LRRIQ3: variants seen among roughly 807,000 people sequenced by gnomAD.
The protein encoded by LRRIQ3 is leucine-rich repeat and IQ domain-containing protein 3.
Under a neutral mutation model 59.3 loss-of-function variants are expected in LRRIQ3, and 75 were observed. That is an observed-to-expected ratio of 1.26 (90% CI 1.05 to 1.53). The LOEUF is 1.53. LRRIQ3 is among the 40% of genes most tolerant of loss of function. The pLI is 0.00. For synonymous variants in LRRIQ3, 250 were observed against 231.3 expected, an observed-to-expected ratio of 1.08 and a Z score of -0.73; for missense variants, 831 against 710.0, an observed-to-expected ratio of 1.17 and a Z score of -1.94.
intron 6 of LRRIQ3, among the ~76,000 whole-genome samples, chr1:74,073,700 G>A (rs1278982976): frequency 6.6e-6 from 1 of 151,894 alleles, no homozygotes; most frequent in Non-Finnish European, 1.5e-5. Flanking sequence ...GGATCTAACA[G>A]AGTTTGACCA....
At chr1:74,029,782 C>G (rs1310010071) in intron 7 of LRRIQ3, among the ~76,000 whole-genome samples, 2 of 151,994 alleles carry the variant, frequency 1.3e-5, no homozygotes, top group African/African-American at 4.8e-5. Context: ...GGTACCAGCT[C>G]CTTCTTGTAC....
intron 4 of LRRIQ3, among the ~76,000 whole-genome samples, chr1:74,110,339 T>C (rs1169242564): frequency 6.6e-6 from 1 of 151,890 alleles, no homozygotes. Flanking sequence ...ATTCTAAATA[T>C]TAGTGAAAAG....
intron 4 of LRRIQ3, among the ~76,000 whole-genome samples, chr1:74,129,178 T>C (rs1646976743): frequency 6.6e-6 from 1 of 152,012 alleles, no homozygotes; most frequent in Admixed American, 6.6e-5. Flanking sequence ...GCCAGGCTTG[T>C]TTTCTTTTCT....
chr1:74,063,016 A>G (rs572800718), intron 6 of LRRIQ3, among the ~76,000 whole-genome samples: 1 of 152,120 alleles, frequency 6.6e-6, no homozygotes, highest in African/African-American at 2.4e-5. Context: ...AAAACAATTA[A>G]ATAAAATAGA....
intron 4 of LRRIQ3, among the ~76,000 whole-genome samples, chr1:74,153,729 T>C (rs970364955): frequency 2.6e-5 from 4 of 152,118 alleles, no homozygotes; most frequent in Non-Finnish European, 5.9e-5. Context: ...CTTGTGATAA[T>C]AAAAGTATGT....
chr1:74,095,449 T>C (rs1217071090), intron 5 of LRRIQ3, among the ~76,000 whole-genome samples: 1 of 152,116 alleles, frequency 6.6e-6, no homozygotes, highest in Admixed American at 6.6e-5. Context: ...TACATATCCA[T>C]AACATGTATA....
intron 1 of LRRIQ3, among the ~76,000 whole-genome samples, chr1:74,191,843 T>C (rs1650786035): frequency 6.6e-6 from 1 of 152,068 alleles, no homozygotes; most frequent in South Asian, 2.1e-4. Context: ...AGATCTAAAA[T>C]GAATCATATA....
At chr1:74,051,943 A>C (rs1206107372) in intron 6 of LRRIQ3, among the ~76,000 whole-genome samples, 1 of 152,146 alleles carries the variant, frequency 6.6e-6, no homozygotes, top group Non-Finnish European at 1.5e-5. Context: ...AGTGAAAAAA[A>C]TAGACTGGGC....
intron 3 of LRRIQ3, among the ~76,000 whole-genome samples, chr1:74,159,999 A>G (rs528288438): frequency 1.3e-5 from 2 of 151,848 alleles, no homozygotes; most frequent in African/African-American, 4.8e-5. Flanking sequence ...ATTATAATAG[A>G]CTCCTAATTC....
intron 4 of LRRIQ3, among the ~76,000 whole-genome samples, chr1:74,131,460 A>C (rs1037660525): frequency 6.6e-6 from 1 of 152,138 alleles, no homozygotes; most frequent in Non-Finnish European, 1.5e-5. Flanking sequence ...GATGAACATC[A>C]ATGCAAAATT....
intron 4 of LRRIQ3, among the ~76,000 whole-genome samples, chr1:74,138,175 A>AC (rs200653300): frequency 6.7e-6 from 1 of 149,556 alleles, no homozygotes; most frequent in Non-Finnish European, 1.5e-5. Context: ...AAAAAAAAAA[A>AC]CAAAAAAACA....
At chr1:74,135,535 C>A (rs1647107248) in intron 4 of LRRIQ3, among the ~76,000 whole-genome samples, 1 of 151,692 alleles carries the variant, frequency 6.6e-6, no homozygotes, top group Non-Finnish European at 1.5e-5. Context: ...TAATTGAAAT[C>A]AACAAAGTAT....
Position 74,063,106 on chromosome 1 carries a change from A to G in LRRIQ3, c.997+11555T>C, listed in dbSNP as rs1654771653. Among the ~76,000 whole-genome samples, 3 of 151,916 alleles carry G rather than the reference A, an allele frequency of 2.0e-5. No homozygotes were observed. In the South Asian group the frequency reaches 6.2e-4, roughly 31 times the overall value. On this transcript the variant is annotated intron_variant, in intron 6 of 7. Transcript: ENST00000354431. ...AATCAAAACAAAACAAAACAAAACA[A>G]AAAACCCCAAAACCAAACAACAACA...
intron 1 of LRRIQ3, among the ~76,000 whole-genome samples, chr1:74,194,006 A>G (rs1650935719): frequency 6.6e-6 from 1 of 152,168 alleles, no homozygotes; most frequent in Non-Finnish European, 1.5e-5. Context: ...CAAAATAAAG[A>G]AATTATATTT....
chr1:74,145,706 T>C (rs1018900305), intron 4 of LRRIQ3, among the ~76,000 whole-genome samples: 5 of 152,148 alleles, frequency 3.3e-5, no homozygotes, highest in African/African-American at 1.2e-4. Flanking sequence ...AATGAATTAC[T>C]AATTTTTTTC....
intron 7 of LRRIQ3, among the ~76,000 whole-genome samples, chr1:74,034,153 T>C (rs1653800937): frequency 6.6e-6 from 1 of 151,994 alleles, no homozygotes; most frequent in Non-Finnish European, 1.5e-5. Context: ...GTTATGGAAA[T>C]TTATCAGAAT....
At chr1:74,055,911 G>A (rs954898626) in intron 6 of LRRIQ3, among the ~76,000 whole-genome samples, 4 of 151,984 alleles carry the variant, frequency 2.6e-5, no homozygotes, top group East Asian at 1.9e-4. Context: ...TTGGGAGGCC[G>A]AGGTGGGCAC....
At chr1:74,131,587 A>G (rs1443440094) in intron 4 of LRRIQ3, among the ~76,000 whole-genome samples, 1 of 152,176 alleles carries the variant, frequency 6.6e-6, no homozygotes, top group Non-Finnish European at 1.5e-5. Flanking sequence ...AAATCAATAA[A>G]TGTAATCCAG....
intron 5 of LRRIQ3, among the ~76,000 whole-genome samples, chr1:74,097,560 C>A (rs1413963080): frequency 6.6e-6 from 1 of 152,080 alleles, no homozygotes; most frequent in South Asian, 2.1e-4. Flanking sequence ...GAGAATGCCA[C>A]AAAGATACTC....
Sources: allele counts gnomAD v4.1 joint callset (sites outside exome capture counted in the v4.1 genomes callset), GRCh38; gene constraint gnomAD v4.1.1; transcripts MANE v1.5; gene names NCBI Gene and HGNC (gene_info 2026-07-23, HGNC 2026-07-21).